Variants in VWF observed in about 807,000 individuals in gnomAD.
VWF encodes Factor VIII related antigen.
A neutral mutation model predicts 308.6 loss-of-function variants in VWF; 176 were observed. The ratio of observed to expected loss-of-function variants is 0.57; its 90% CI spans 0.50 to 0.65. VWF has a LOEUF of 0.65. Among genes scored for constraint, VWF ranks in the 30% least tolerant of loss-of-function variants. The probability of loss-of-function intolerance (pLI) is 0.00; values close to 1 mark genes in which losing one functional copy is unlikely to be tolerated. For synonymous variants in VWF, 1,385 were observed against 1,443.4 expected (o/e 0.96, Z 0.92); for missense variants, 3,146 against 3,648.2 (o/e 0.86, Z 3.55).
intron 40 of VWF, among the ~76,000 whole-genome samples, chr12:5,983,893 G>C (rs1943642347): frequency 6.6e-6 from 1 of 151,896 alleles, no homozygotes; most frequent in Non-Finnish European, 1.5e-5. Context: ...AGGATAGATA[G>C]AGACAGGATA....
At chr12:5,968,189 A>G in intron 45 of VWF, 22 bp from the exon 46 acceptor site, 1 of 1,613,748 alleles carries the variant, frequency 6.2e-7, no homozygotes, top group Non-Finnish European at 8.5e-7. Context: ...AAAAGTGCAG[A>G]GTGAGAGTGG....
At chr12:6,109,760 C>T (rs1945284985) in intron 5 of VWF, among the ~76,000 whole-genome samples, 1 of 152,164 alleles carries the variant, frequency 6.6e-6, no homozygotes, top group Non-Finnish European at 1.5e-5. Flanking sequence ...ACGCCATTCT[C>T]CTGTCTCAGC....
intron 34 of VWF, among the ~76,000 whole-genome samples, chr12:6,007,358 G>A (rs1248734582): frequency 6.6e-6 from 1 of 152,150 alleles, no homozygotes; most frequent in African/African-American, 2.4e-5. Context: ...ATTTAAGGAG[G>A]CTAAAATCAT....
chr12:5,949,778 G>A lies in VWF; in HGVS notation c.8253+8C>T. The A allele has an allele frequency of 1.9e-6, 3 of 1,613,924 alleles. No homozygotes were observed. Among genetic ancestry groups the A allele is most frequent in the Non-Finnish European group, 2.5e-6 (3 of 1,179,818 alleles). On this transcript the variant is annotated splice_region_variant and intron_variant, in intron 51 of 51. Transcript: ENST00000261405. Reference sequence around the variant, plus strand: ...CACACCCAGCCCTTATTGAAGCAGAGCCCTTACCTGGCAGTAGTGGATATC... The same window carrying A: ...CACACCCAGCCCTTATTGAAGCAGAACCCTTACCTGGCAGTAGTGGATATC...
intron 10 of VWF, among the ~76,000 whole-genome samples, chr12:6,069,748 CTG>C (rs559771189): frequency 6.6e-6 from 1 of 152,170 alleles, no homozygotes; most frequent in Non-Finnish European, 1.5e-5. Context: ...AGAATTGACA[CTG>C]TTTATCTTTT....
rs1277594491 is a variant in VWF at position 5,994,449 on chromosome 12, G to C, written c.6222C>G (p.Pro2074=). The C allele has an allele frequency of 1.2e-6, 2 of 1,614,004 alleles. No homozygotes were observed. Among genetic ancestry groups the C allele is most frequent in the East Asian group, 2.2e-5 (1 of 44,886 alleles). ...CATACGTCTTTGAAGCAAAAGTCTTGGGGCTGAGCTGCAGTTGGAACTCAT... is the reference window on the plus strand; with the variant it reads ...CATACGTCTTTGAAGCAAAAGTCTTCGGGCTGAGCTGCAGTTGGAACTCAT... The part of the protein sequence containing the change: ...QNNEFQLQLS[P]KTFASKTYGL... Residue 2074 remains proline, a synonymous_variant, in exon 36 of 52, where the codon CCC becomes CCG. Transcript: ENST00000261405.
rs189695748 is a variant in VWF, at chr12:6,056,394, G to T, written c.1945+463C>A. Among the ~76,000 whole-genome samples, 485 of 148,172 alleles carry T rather than the reference G, an allele frequency of 3.3e-3. 3 individuals carry two copies. The highest frequency in any genetic ancestry group is 5.3e-3 in the Non-Finnish European group (353 of 66,810). On this transcript the variant is annotated intron_variant, in intron 15 of 51. Transcript: ENST00000261405. Reference sequence around the variant, plus strand: ...TCACCTTTAGGTAACTTTATACAACGCCAGAGGTTTTGTCCATCGGTGGTT... The same window carrying T: ...TCACCTTTAGGTAACTTTATACAACTCCAGAGGTTTTGTCCATCGGTGGTT...
chr12:5,997,736 T>C (rs1178453682), intron 34 of VWF, among the ~76,000 whole-genome samples: 2 of 152,208 alleles, frequency 1.3e-5, no homozygotes, highest in Non-Finnish European at 2.9e-5. Flanking sequence ...ATTGTAGGTA[T>C]AGTAAAACTT....
rs750764444 is a variant in VWF at position 5,994,214 on chromosome 12, A to G, written c.6257-11T>C. On this transcript the variant is annotated splice_polypyrimidine_tract_variant and intron_variant, in intron 36 of 51. Transcript: ENST00000261405. ...TCTCATCACAGATCCCTAGAGAAAC[A>G]AACAAACAAAAAAAAGATAAACTGA... 3 of 1,613,916 alleles carry G rather than the reference A, an allele frequency of 1.9e-6. No homozygotes were observed. The highest frequency in any genetic ancestry group is 2.5e-6 in the Non-Finnish European group (3 of 1,179,972).
chr12:6,002,748 G>C (rs1434976890), intron 34 of VWF, among the ~76,000 whole-genome samples: 2 of 152,038 alleles, frequency 1.3e-5, no homozygotes, highest in African/African-American at 4.8e-5. Flanking sequence ...AACTTCCAAA[G>C]ACCTGATAGT....
At chr12:5,953,770 T>G (rs1943219940) in intron 47 of VWF, 176 bp from the exon 48 acceptor site, 4 of 648,152 alleles carry the variant, frequency 6.2e-6, no homozygotes, top group Non-Finnish European at 1.1e-5. Context: ...CTAGGTAGCA[T>G]TCCTTCACTC....
intron 5 of VWF, among the ~76,000 whole-genome samples, chr12:6,106,051 A>G (rs1945240150): frequency 6.6e-6 from 1 of 152,280 alleles, no homozygotes; most frequent in Middle Eastern, 3.4e-3. Context: ...CAAAAAAAAT[A>G]AAGAAGAATT....
rs1475676885 is a variant in VWF at position 6,095,668 on chromosome 12, GT to G, written c.533-85del. The G allele has an allele frequency of 2.5e-6, 4 of 1,590,206 alleles. No homozygotes were observed. The East Asian group carries it at 6.7e-5, about 27-fold the overall frequency. On this transcript the variant is annotated intron_variant, in intron 5 of 51. Transcript: ENST00000261405. ...GGTGAAAATTCTAGGTCTGCTGGTGGTTTTGTGTGTTTTGTTTTAATTTTTT... is the reference window on the plus strand; with the variant it reads ...GGTGAAAATTCTAGGTCTGCTGGTGGTTTGTGTGTTTTGTTTTAATTTTTT...
At chr12:6,014,683 T>C (rs186948269) in intron 31 of VWF, among the ~76,000 whole-genome samples, 2 of 152,292 alleles carry the variant, frequency 1.3e-5, no homozygotes, top group African/African-American at 4.8e-5. Flanking sequence ...TATTAGAGCA[T>C]GCAAACTGAG....
In VWF at chr12:6,060,596, G is replaced by T. The variant is rs1241358545; in HGVS notation, c.1533+2358C>A. 2.6e-5 allele frequency among the ~76,000 whole-genome samples: 4 copies of T among 151,912 alleles called. No homozygotes were observed. Among genetic ancestry groups the T allele is most frequent in the African/African-American group, 4.8e-5 (2 of 41,368 alleles). On this transcript the variant is annotated intron_variant, in intron 13 of 51. Transcript: ENST00000261405. This position sits in a 1 kb window ranked among gnomAD's most constrained non-coding sequence, Gnocchi z 5.1. ...CCCCAGGAATCTGTGTAAAGAAAAA[G>T]AAAAAAGAAAAATATATATAAAAAG...
intron 41 of VWF, among the ~76,000 whole-genome samples, chr12:5,982,294 T>C (rs1943615654): frequency 6.6e-6 from 1 of 152,214 alleles, no homozygotes; most frequent in Non-Finnish European, 1.5e-5. Context: ...GTTCCTTCAT[T>C]CTCAGAGGTG....
intron 40 of VWF, among the ~76,000 whole-genome samples, chr12:5,983,974 GGATA>G (rs71064178): frequency 2.4e-4 from 32 of 133,042 alleles, no homozygotes; most frequent in South Asian, 1.6e-3. Context: ...ATGGATAGAT[GGATA>G]GATAGATAGA....
rs767624192 is a variant in VWF, at chr12:6,036,999, C to T, written c.2443-508G>A. Among the ~76,000 whole-genome samples, 135 of 152,192 alleles carry T rather than the reference C, an allele frequency of 8.9e-4. 2 individuals carry two copies. The highest frequency in any genetic ancestry group is 2.1e-4 in the Non-Finnish European group (14 of 68,020). The stretch of plus-strand genomic sequence containing the variant: ...CTAAATCCATTGAGGAATCACCAGG[C>T]GCCAGTATCCTATGGTGCTATTACA... On this transcript the variant is annotated intron_variant, in intron 18 of 51. Coordinates refer to ENST00000261405, the MANE Select transcript of VWF (RefSeq NM_000552.5).
rs567817987 is a variant in VWF at position 6,064,959 on chromosome 12, GGA to G, written c.1293+176_1293+177del. 3.9e-5 allele frequency among the ~76,000 whole-genome samples: 6 copies of G among 152,330 alleles called. No homozygotes were observed. The East Asian group carries it at 9.6e-4, about 24-fold the overall frequency. ...CAGGATGCCTTCCGCCAGCATCTAG[GGA>G]GAGAGGGGATGGGCTGGGTTTCTGG... On this transcript the variant is annotated intron_variant, in intron 11 of 51. Coordinates refer to ENST00000261405, the MANE Select transcript of VWF (RefSeq NM_000552.5).
Sources: allele counts gnomAD v4.1 joint callset (sites outside exome capture counted in the v4.1 genomes callset), GRCh38; gene constraint gnomAD v4.1.1; non-coding constraint Gnocchi (gnomAD v3.1); transcripts MANE v1.5; gene names NCBI Gene and HGNC (gene_info 2026-07-23, HGNC 2026-07-21).